Variants in NLK observed in about 807,000 individuals in gnomAD.
The protein encoded by NLK is nemo like kinase, also known as serine/threonine-protein kinase NLK.
In NLK, 11 loss-of-function variants were observed where a neutral mutation model predicts 59.0. That is an observed-to-expected ratio of 0.19 (90% CI 0.12 to 0.31). The LOEUF is 0.31. NLK is among the 10% of genes least tolerant of loss of function. The probability of loss-of-function intolerance (pLI) is 1.00; values close to 1 mark genes in which losing one functional copy is unlikely to be tolerated. For missense variants in NLK, 410 were observed against 661.1 expected (o/e 0.62, Z 4.16); for synonymous variants, 235 against 235.9 (o/e 1.00, Z 0.03).
rs571100774 is a variant in NLK at position 28,192,832 on chromosome 17, C to T, written c.1529+619C>T. On this transcript the variant is annotated intron_variant, in intron 10 of 10. Transcript: ENST00000407008. ...GGTGGCCACCTGTCCTGGAGTTAGA[C>T]GTGGTCATCTCAGTTCCCACTACCA... Among the ~76,000 whole-genome samples the T allele has an allele frequency of 9.2e-5, 14 of 152,286 alleles. No homozygotes were observed. In the East Asian group the frequency reaches 2.5e-3, roughly 27 times the overall value.
intron 8 of NLK, 106 bp from the exon 9 acceptor site, chr17:28,190,915 A>ATT: frequency 4.0e-6 from 3 of 747,512 alleles, no homozygotes; most frequent in Middle Eastern, 3.9e-4. Context: ...TGTACTATAA[A>ATT]TTATATATAT....
chr17:28,162,350 A>G (rs1463872148), intron 4 of NLK, among the ~76,000 whole-genome samples: 1 of 152,092 alleles, frequency 6.6e-6, no homozygotes, highest in African/African-American at 2.4e-5. Context: ...ACTCACCTCC[A>G]GGCCAGGCAT....
intron 1 of NLK, among the ~76,000 whole-genome samples, chr17:28,086,441 G>A (rs567530572): frequency 1.2e-4 from 19 of 152,042 alleles, no homozygotes; most frequent in African/African-American, 4.6e-4. Flanking sequence ...CTGAGGAAGC[G>A]TGAGAGAACA....
chr17:28,156,931 A>G (rs1008518663), intron 3 of NLK, among the ~76,000 whole-genome samples: 1 of 152,002 alleles, frequency 6.6e-6, no homozygotes, highest in East Asian at 1.9e-4. Context: ...TTTTTTTCTA[A>G]TTCTGTAATT....
intron 1 of NLK, among the ~76,000 whole-genome samples, chr17:28,092,747 TTTTTATTTTATTTTATTTTA>T (rs527686804): frequency 0.035 from 4,832 of 139,356 alleles, 254 homozygotes; most frequent in African/African-American, 0.12. Context: ...AAGTGGCTTG[TTTTTATTTTATTTTATTTTA>T]TTTTATTTTA....
In NLK at chr17:28,065,496, T is replaced by C. The variant is rs143189547; in HGVS notation, c.458+22165T>C. ...GGATTATGAAGGACCCTTTTTGCTT[T>C]ATTAATACCTTGAGATTTTATCTGA... On this transcript the variant is annotated intron_variant, in intron 1 of 10. Transcript: ENST00000407008. 1.1e-4 allele frequency among the ~76,000 whole-genome samples: 16 copies of C among 152,332 alleles called. No individual in the cohort carries two copies. In the East Asian group the frequency reaches 3.1e-3, roughly 29 times the overall value.
the NLK span, among the ~76,000 whole-genome samples, chr17:28,203,436 G>A: frequency 6.6e-6 from 1 of 152,212 alleles, no homozygotes; most frequent in Non-Finnish European, 1.5e-5. Context: ...GAGCACGGGA[G>A]AATGAAGAAA....
chr17:28,193,364 G>T (rs1019467744), intron 10 of NLK, among the ~76,000 whole-genome samples: 2 of 152,204 alleles, frequency 1.3e-5, no homozygotes, highest in African/African-American at 4.8e-5. Context: ...AAGTGTGCCA[G>T]AAGGTGTGGC....
chr17:28,083,765 A>T (rs1218159863), intron 1 of NLK, among the ~76,000 whole-genome samples: 3 of 152,178 alleles, frequency 2.0e-5, no homozygotes, highest in Admixed American at 6.6e-5. Flanking sequence ...CATTCAATAG[A>T]TGCTGCTTTA....
chr17:28,191,118 C>T lies in NLK; in HGVS notation c.1334C>T (p.Thr445Ile), dbSNP rs1234080888. The change falls in exon 9 of 11, where the codon ACC becomes ATC. Residue 445 changes from threonine to isoleucine, a missense_variant. Thr to Ile is a moderately conservative substitution (Grantham distance 89). This residue lies in a region of NLK where 150 missense variants were observed against 244.3 expected (regional missense o/e 0.61). Coordinates refer to ENST00000407008, the MANE Select transcript of NLK (RefSeq NM_016231.5). ...HTCMCKCCFS[T>I]STGRVYTSDF... ...TGTATGTGTAAATGTTGCTTTTCCA[C>T]CTCCACTGGAAGAGTTTATACCAGT... is the stretch of plus-strand genomic sequence containing the variant. 2 of 1,613,896 alleles carry T rather than the reference C, an allele frequency of 1.2e-6. No individual in the cohort carries two copies. The highest frequency in any genetic ancestry group is 3.3e-5 in the Admixed American group (2 of 60,012).
chr17:28,142,990 A>G (rs1490418191), intron 3 of NLK, among the ~76,000 whole-genome samples: 1 of 152,102 alleles, frequency 6.6e-6, no homozygotes, highest in Non-Finnish European at 1.5e-5. Flanking sequence ...TGTCTTTTGG[A>G]AAAGTCACCT....
intron 7 of NLK, among the ~76,000 whole-genome samples, chr17:28,175,064 T>G (rs953200095): frequency 1.3e-5 from 2 of 151,862 alleles, no homozygotes; most frequent in Non-Finnish European, 2.9e-5. Context: ...TGGTACATCA[T>G]GACTTTTCTG....
At chr17:28,078,035 A>G (rs553848818) in intron 1 of NLK, among the ~76,000 whole-genome samples, 103 of 152,060 alleles carry the variant, frequency 6.8e-4, no homozygotes, top group African/African-American at 2.4e-3. Flanking sequence ...AAAAGAATTC[A>G]TAAAAAAAAA....
intron 1 of NLK, among the ~76,000 whole-genome samples, chr17:28,076,910 G>A (rs890482220): frequency 7.9e-5 from 12 of 151,956 alleles, no homozygotes; most frequent in Non-Finnish European, 1.6e-4. Context: ...AAGTAACATT[G>A]CAGCTTGTAA....
chr17:28,139,296 G>C (rs1906888315), intron 3 of NLK, among the ~76,000 whole-genome samples: 1 of 151,868 alleles, frequency 6.6e-6, no homozygotes, highest in African/African-American at 2.4e-5. Flanking sequence ...AGCACTGAGG[G>C]GTTCTGATTT....
chr17:28,062,683 C>T (rs533046139), intron 1 of NLK, among the ~76,000 whole-genome samples: 10 of 152,168 alleles, frequency 6.6e-5, no homozygotes, highest in South Asian at 2.1e-4. Flanking sequence ...CGGGTTCAAG[C>T]GATTCTCCTG....
chr17:28,201,572 C>T, the NLK span, among the ~76,000 whole-genome samples: 1 of 151,702 alleles, frequency 6.6e-6, no homozygotes, highest in African/African-American at 2.4e-5. Flanking sequence ...AAAAAACAAA[C>T]AAAAACAAAA....
At chr17:28,147,647 T>C (rs562664726) in intron 3 of NLK, among the ~76,000 whole-genome samples, 32 of 152,330 alleles carry the variant, frequency 2.1e-4, no homozygotes, top group Admixed American at 1.8e-3. Context: ...TTTTTAATTC[T>C]AAGCAACCCT....
At chr17:28,053,331 C>G (rs1442614226) in intron 1 of NLK, among the ~76,000 whole-genome samples, 2 of 152,154 alleles carry the variant, frequency 1.3e-5, no homozygotes, top group African/African-American at 2.4e-5. Context: ...ATAATGATCT[C>G]TATAGAGAAG....
Sources: gnomAD v4.1 joint callset for allele counts (sites outside exome capture counted in the v4.1 genomes callset) on GRCh38, gnomAD v4.1.1 for gene constraint, gnomAD v4.1.1 regional missense constraint, MANE v1.5 for transcripts, NCBI Gene and HGNC (gene_info 2026-07-23, HGNC 2026-07-21) for gene names.